The following RHOBTB3 variants were observed in gnomAD, a reference collection of about 807,000 sequenced individuals.
The protein encoded by RHOBTB3 is rho-related BTB domain-containing protein 3.
A neutral mutation model predicts 67.2 loss-of-function variants in RHOBTB3; 47 were observed. The ratio of observed to expected loss-of-function variants is 0.70; its 90% CI spans 0.55 to 0.89. RHOBTB3 has a LOEUF of 0.89. RHOBTB3 is among the 40% of genes least tolerant of loss of function. RHOBTB3 has a pLI of 0.00. For synonymous variants in RHOBTB3, 273 were observed against 274.2 expected (o/e 1.00, Z 0.04); for missense variants, 631 against 750.0 (o/e 0.84, Z 1.85).
At chr5:95,783,694 C>T in intron 9 of RHOBTB3, 103 bp from the exon 10 acceptor site, 1 of 938,662 alleles carries the variant, frequency 1.1e-6, no homozygotes, top group African/African-American at 1.6e-5. Context: ...ATGCTACGGT[C>T]AGCATGTTTT....
At position 95,748,467 on chromosome 5, in the gene RHOBTB3, G is replaced by A; in HGVS notation, c.550G>A (p.Gly184Arg). The A allele has an allele frequency of 6.2e-7, 1 of 1,610,116 alleles. No individual in the cohort carries two copies. The highest frequency in any genetic ancestry group is 8.5e-7 in the Non-Finnish European group (1 of 1,178,112). The change falls in exon 4 of 12, where the codon GGA (glycine) becomes AGA (arginine). Residue 184 changes from glycine to arginine, a missense_variant. Coordinates refer to ENST00000379982, the MANE Select transcript of RHOBTB3 (RefSeq NM_014899.4). Reference sequence around the variant, plus strand: ...CCACAGCCTTGATGACTTCTACATAGGAAAGTATTTTGGAGGAGTGGTAAG... The same window carrying A: ...CCACAGCCTTGATGACTTCTACATAAGAAAGTATTTTGGAGGAGTGGTAAG... ...ELHSLDDFYI[G>R]KYFGGVLEYF...
intron 11 of RHOBTB3, among the ~76,000 whole-genome samples, chr5:95,790,673 A>C (rs1746356673): frequency 6.6e-6 from 1 of 152,180 alleles, no homozygotes; most frequent in Non-Finnish European, 1.5e-5. Flanking sequence ...GAATCATGAG[A>C]ACTCTCATTC....
chr5:95,779,550 G>T (rs918618482), intron 8 of RHOBTB3, among the ~76,000 whole-genome samples: 1 of 152,150 alleles, frequency 6.6e-6, no homozygotes, highest in Non-Finnish European at 1.5e-5. Context: ...AATTCAGTTC[G>T]GTGAGTTCAG....
At chr5:95,767,275 G>C (rs1745574005) in intron 7 of RHOBTB3, among the ~76,000 whole-genome samples, 1 of 152,034 alleles carries the variant, frequency 6.6e-6, no homozygotes, top group Non-Finnish European at 1.5e-5. Context: ...ACTCCTTTAA[G>C]AGAAAATGTT....
At chr5:95,788,358 G>T (rs1746280918) in intron 10 of RHOBTB3, among the ~76,000 whole-genome samples, 2 of 152,080 alleles carry the variant, frequency 1.3e-5, no homozygotes, top group African/African-American at 4.8e-5. Flanking sequence ...ATATTTTTTG[G>T]CTTGCTCCTC....
In RHOBTB3 at chr5:95,765,285, A is replaced by G. The variant is rs190360374; in HGVS notation, c.1161+1665A>G. On this transcript the variant is annotated intron_variant, in intron 7 of 11. Transcript: ENST00000379982. ...GTACAGAAATCTTGCCTTTTCTTCT[A>G]ACCCTAAACCTTTTCTTGAGTCTTG... Among the ~76,000 whole-genome samples, 554 of 152,326 alleles carry G rather than the reference A, an allele frequency of 3.6e-3. 4 individuals carry two copies. The Middle Eastern group carries it at 0.044, about 12-fold the overall frequency.
intron 8 of RHOBTB3, among the ~76,000 whole-genome samples, chr5:95,775,402 A>G (rs1010075825): frequency 2.1e-5 from 3 of 143,964 alleles, no homozygotes; most frequent in South Asian, 2.2e-4. Flanking sequence ...GTATATATAT[A>G]TGTGTATATA....
intron 7 of RHOBTB3, among the ~76,000 whole-genome samples, chr5:95,766,990 A>G (rs1449693835): frequency 3.3e-5 from 5 of 152,030 alleles, no homozygotes; most frequent in Non-Finnish European, 7.4e-5. Flanking sequence ...AGGTCAAGGT[A>G]GGCGGATTGC....
In RHOBTB3 at chr5:95,796,068, A is replaced by C. The variant is rs1307452547; in HGVS notation, c.*2894A>C. On this transcript the variant is annotated 3_prime_UTR_variant, in exon 12 of 12. Coordinates refer to ENST00000379982, the MANE Select transcript of RHOBTB3 (RefSeq NM_014899.4). Reference sequence around the variant, plus strand: ...TGAAATTAATTCTGTCCAAGCCAGCATGGTGGCTTCATATTAAGTAGTAAC... The same window carrying C: ...TGAAATTAATTCTGTCCAAGCCAGCCTGGTGGCTTCATATTAAGTAGTAAC... 1 of 152,356 alleles carries C rather than the reference A, an allele frequency of 6.6e-6. No individual in the cohort carries two copies. Among genetic ancestry groups the C allele is most frequent in the East Asian group, 1.9e-4 (1 of 5,190 alleles). The allele number at this position is 152,356 out of a possible 1,614,324, so 9.4% of individuals were successfully genotyped here.
intron 2 of RHOBTB3, chr5:95,732,366 T>G: frequency 1.7e-6 from 1 of 578,146 alleles, no homozygotes; most frequent in Non-Finnish European, 3.1e-6. Flanking sequence ...AGCAGACAGT[T>G]GAATGTGCCA....
chr5:95,779,611 TC>T (rs1372328274), intron 8 of RHOBTB3, among the ~76,000 whole-genome samples: 1 of 152,208 alleles, frequency 6.6e-6, no homozygotes, highest in Non-Finnish European at 1.5e-5. Flanking sequence ...GCACTGGCTC[TC>T]CCAGCAGCAG....
intron 7 of RHOBTB3, among the ~76,000 whole-genome samples, chr5:95,766,490 T>C (rs775337051): frequency 6.6e-6 from 1 of 151,768 alleles, no homozygotes; most frequent in Non-Finnish European, 1.5e-5. Flanking sequence ...GTGGTCCTAA[T>C]GAATCCTAGT....
At chr5:95,778,320 T>A (rs1745950863) in intron 8 of RHOBTB3, among the ~76,000 whole-genome samples, 1 of 152,144 alleles carries the variant, frequency 6.6e-6, no homozygotes, top group Non-Finnish European at 1.5e-5. Context: ...AAATGTTATA[T>A]AAATAGTTGT....
chr5:95,793,386 A>G lies in RHOBTB3; in HGVS notation c.*212A>G, dbSNP rs957337000. 142 of 381,776 alleles carry G rather than the reference A, an allele frequency of 3.7e-4. No individual in the cohort carries two copies. Among genetic ancestry groups the G allele is most frequent in the Non-Finnish European group, 4.9e-4 (106 of 215,054 alleles). The allele number at this position is 381,776 out of a possible 1,614,324, so 23.6% of individuals were successfully genotyped here. On this transcript the variant is annotated 3_prime_UTR_variant, in exon 12 of 12. Coordinates refer to ENST00000379982, the MANE Select transcript of RHOBTB3 (RefSeq NM_014899.4). ...ACCATAGGCTAAAACTAAGGCTTTC[A>G]CTCTAGAATGCAAAGCTGTTTTGCA...
intron 2 of RHOBTB3, among the ~76,000 whole-genome samples, chr5:95,734,633 C>A (rs1348401931): frequency 6.6e-6 from 1 of 152,134 alleles, no homozygotes; most frequent in Non-Finnish European, 1.5e-5. Context: ...GTGTGTCTTT[C>A]TCTCTCTTTC....
intron 8 of RHOBTB3, among the ~76,000 whole-genome samples, chr5:95,776,676 G>C (rs892725154): frequency 7.9e-5 from 12 of 152,180 alleles, no homozygotes; most frequent in African/African-American, 1.9e-4. Flanking sequence ...GGTCAGAAAG[G>C]CCTGGTTAAG....
At chr5:95,721,459 C>T (rs750787771) in intron 1 of RHOBTB3, among the ~76,000 whole-genome samples, 12 of 152,122 alleles carry the variant, frequency 7.9e-5, no homozygotes, top group Middle Eastern at 6.8e-3. Flanking sequence ...TGGGCCTTGT[C>T]GGAGTTGTGA....
rs377322029 is a variant in RHOBTB3 at position 95,793,099 on chromosome 5, G to A, written c.1761G>A (p.Ser587=). 1.6e-4 allele frequency: 255 copies of A among 1,613,558 alleles called. 1 individual carries two copies. In the Admixed American group the frequency reaches 2.8e-3, roughly 18 times the overall value. Residue 587 remains serine (S), a synonymous_variant, in exon 12 of 12, where the codon TCG becomes TCA. Coordinates refer to ENST00000379982, the MANE Select transcript of RHOBTB3 (RefSeq NM_014899.4). ...RSFVEKHRWP[S]NMYLKQLAEY... ...TTGTTGAAAAGCACAGATGGCCGTC[G>A]AATATGTACTTGAAGCAGCTTGCGG...
At chr5:95,755,946 A>G (rs1745233093) in intron 6 of RHOBTB3, 185 bp downstream of exon 6, 3 of 564,408 alleles carry the variant, frequency 5.3e-6, no homozygotes, top group Non-Finnish European at 3.0e-6. Flanking sequence ...TGTTTTCCTT[A>G]CAAATGTACT....
Sources: allele counts gnomAD v4.1 joint callset (sites outside exome capture counted in the v4.1 genomes callset), GRCh38; gene constraint gnomAD v4.1.1; transcripts MANE v1.5; gene names NCBI Gene and HGNC (gene_info 2026-07-23, HGNC 2026-07-21).